The following CCDC198 variants were observed in gnomAD, a reference collection of about 807,000 sequenced individuals.
CCDC198 encodes coiled-coil domain containing 198, also known as factor associated with metabolism and energy.
In CCDC198, 18 loss-of-function variants were observed where a neutral mutation model predicts 35.6. The ratio of observed to expected loss-of-function variants is 0.51; its 90% CI spans 0.35 to 0.75. CCDC198 has a LOEUF of 0.75. Among genes scored for constraint, CCDC198 ranks in the 30% least tolerant of loss-of-function variants. The pLI, the probability that CCDC198 is intolerant of heterozygous loss-of-function variation, is 0.01. For synonymous variants in CCDC198, 119 were observed against 113.4 expected, an observed-to-expected ratio of 1.05 and a Z score of -0.31; for missense variants, 365 against 343.7, an observed-to-expected ratio of 1.06 and a Z score of -0.49.
intron 5 of CCDC198, among the ~76,000 whole-genome samples, chr14:57,477,331 A>G (rs1325987473): frequency 6.6e-6 from 1 of 152,188 alleles, no homozygotes; most frequent in Non-Finnish European, 1.5e-5. Context: ...TTCTCTTTCC[A>G]ACAACTTCAG....
chr14:57,488,160 C>A (rs544121299), intron 2 of CCDC198, among the ~76,000 whole-genome samples: 1 of 152,214 alleles, frequency 6.6e-6, no homozygotes, highest in South Asian at 2.1e-4. Flanking sequence ...CATTGTGTAC[C>A]TGAAGAACAG....
At chr14:57,479,962 A>G (rs1219190087) in intron 5 of CCDC198, among the ~76,000 whole-genome samples, 2 of 152,164 alleles carry the variant, frequency 1.3e-5, no homozygotes, top group Non-Finnish European at 2.9e-5. Flanking sequence ...GCTATACCTA[A>G]GGCAATACTA....
chr14:57,482,107 A>G (rs1339278804), intron 3 of CCDC198, among the ~76,000 whole-genome samples: 1 of 152,194 alleles, frequency 6.6e-6, no homozygotes, highest in African/African-American at 2.4e-5. Flanking sequence ...ACCTATTTCT[A>G]TAGAGTGCAT....
At position 57,491,001 on chromosome 14, in the gene CCDC198, G is replaced by GGGT; in HGVS notation, c.291_293dup (p.Pro98dup). On this transcript the variant is annotated inframe_insertion, in exon 2 of 6. Transcript: ENST00000216445. The stretch of plus-strand genomic sequence containing the variant: ...AAATTCATCTTACTTGAAGTCTTTG[G>GGGT]GGTGGATGCCTTTTAATAATACTTG... 1 of 1,590,700 alleles carries GGGT rather than the reference G, an allele frequency of 6.3e-7. No homozygotes were observed. The highest frequency in any genetic ancestry group is 8.6e-7 in the Non-Finnish European group (1 of 1,159,216).
chr14:57,483,154 A>G lies in CCDC198; in HGVS notation c.307-3T>C. On this transcript the variant is annotated splice_region_variant and splice_polypyrimidine_tract_variant and intron_variant, in intron 2 of 5. Coordinates refer to ENST00000216445, the MANE Select transcript of CCDC198 (RefSeq NM_018168.4). ...GGCAAGTCAATGGGTTCAAGCTTCT[A>G]GAAGTTCAACGTTTAGAGCAGTCAG... The G allele has an allele frequency of 1.9e-6, 3 of 1,614,078 alleles. No individual in the cohort carries two copies. The highest frequency in any genetic ancestry group is 2.5e-6 in the Non-Finnish European group (3 of 1,179,964).
intron 5 of CCDC198, among the ~76,000 whole-genome samples, chr14:57,479,394 T>C (rs1424302355): frequency 6.6e-6 from 1 of 152,160 alleles, no homozygotes; most frequent in Non-Finnish European, 1.5e-5. Flanking sequence ...TAGCTCCATG[T>C]TAAGGAGTTT....
intron 2 of CCDC198, among the ~76,000 whole-genome samples, chr14:57,489,166 A>G (rs149977751): frequency 1.3e-5 from 2 of 152,328 alleles, no homozygotes; most frequent in African/African-American, 4.8e-5. Flanking sequence ...AATGTAGTAC[A>G]TATACACCAT....
chr14:57,479,891 A>G (rs1330094982), intron 5 of CCDC198, among the ~76,000 whole-genome samples: 1 of 152,068 alleles, frequency 6.6e-6, no homozygotes, highest in Non-Finnish European at 1.5e-5. Context: ...GGACAGTAAG[A>G]CCTAATGGGA....
At chr14:57,476,593 T>A (rs909953806) in intron 5 of CCDC198, among the ~76,000 whole-genome samples, 5 of 152,232 alleles carry the variant, frequency 3.3e-5, no homozygotes, top group Admixed American at 6.5e-5. Flanking sequence ...ATTATAGGAA[T>A]GTATGTAAAA....
chr14:57,483,640 A>T (rs1428433324), intron 2 of CCDC198, among the ~76,000 whole-genome samples: 1 of 152,222 alleles, frequency 6.6e-6, no homozygotes, highest in East Asian at 1.9e-4. Flanking sequence ...ATGAAACTGC[A>T]GTGTGCTAAC....
chr14:57,478,223 G>A (rs966797858), intron 5 of CCDC198, among the ~76,000 whole-genome samples: 3 of 152,112 alleles, frequency 2.0e-5, no homozygotes, highest in Non-Finnish European at 2.9e-5. Flanking sequence ...TAAGGTCAAG[G>A]ACTCACAACC....
At chr14:57,474,120 A>G (rs1037944570) in intron 5 of CCDC198, among the ~76,000 whole-genome samples, 2 of 152,260 alleles carry the variant, frequency 1.3e-5, no homozygotes, top group South Asian at 2.1e-4. Context: ...TGTTAAAACC[A>G]GAAACCATAT....
intron 2 of CCDC198, among the ~76,000 whole-genome samples, chr14:57,490,406 A>G (rs2067522896): frequency 6.6e-6 from 1 of 152,190 alleles, no homozygotes; most frequent in Non-Finnish European, 1.5e-5. Context: ...TTAAACAACC[A>G]GTTAACATCT....
chr14:57,482,615 C>G (rs555218651), intron 3 of CCDC198, among the ~76,000 whole-genome samples: 1 of 152,092 alleles, frequency 6.6e-6, no homozygotes, highest in Non-Finnish European at 1.5e-5. Context: ...GAAGACATTT[C>G]CCAGGATTAA....
rs1248478154 is a variant in CCDC198, at chr14:57,471,253, G to C, written c.*102C>G. The C allele has an allele frequency of 2.5e-6, 2 of 787,078 alleles. No homozygotes were observed. The highest frequency in any genetic ancestry group is 3.5e-5 in the African/African-American group (2 of 57,966). 48.8% of individuals were successfully genotyped at this position (787,078 alleles called of 1,614,324 possible). On this transcript the variant is annotated 3_prime_UTR_variant, in exon 6 of 6. Coordinates refer to ENST00000216445, the MANE Select transcript of CCDC198 (RefSeq NM_018168.4). ...AAAGATATCATTTCTTTTTACCAAAGTGATTTGCTGTCCTCAAAGTAATTC... is the reference window on the plus strand; with the variant it reads ...AAAGATATCATTTCTTTTTACCAAACTGATTTGCTGTCCTCAAAGTAATTC...
chr14:57,486,724 T>G (rs1469029653), intron 2 of CCDC198, among the ~76,000 whole-genome samples: 2 of 152,172 alleles, frequency 1.3e-5, no homozygotes, highest in Non-Finnish European at 2.9e-5. Flanking sequence ...ATTTTTAGTT[T>G]TATTAAACTA....
chr14:57,475,737 T>C (rs1458475427), intron 5 of CCDC198: 1 of 417,944 alleles, frequency 2.4e-6, no homozygotes. Flanking sequence ...ATCAATTCTA[T>C]CCTTCTTCAG....
chr14:57,490,905 C>A, intron 2 of CCDC198, 84 bp downstream of exon 2: 9 of 1,247,660 alleles, frequency 7.2e-6, no homozygotes, highest in Non-Finnish European at 9.2e-6. Context: ...TTATCAATAT[C>A]CCTCTTTGAT....
chr14:57,479,665 C>A (rs1339144955), intron 5 of CCDC198, among the ~76,000 whole-genome samples: 2 of 152,042 alleles, frequency 1.3e-5, no homozygotes, highest in African/African-American at 4.8e-5. Context: ...CTTTAATTAC[C>A]GAGTAGAGTT....
Sources: gnomAD v4.1 joint callset for allele counts (sites outside exome capture counted in the v4.1 genomes callset) on GRCh38, gnomAD v4.1.1 for gene constraint, MANE v1.5 for transcripts, NCBI Gene and HGNC (gene_info 2026-07-23, HGNC 2026-07-21) for gene names.